The following PKHD1 variants were observed in gnomAD, a reference collection of about 807,000 sequenced individuals.
PKHD1 encodes the protein PKHD1 ciliary IPT domain containing fibrocystin/polyductin, also known as fibrocystin.
PKHD1 carries 291 observed loss-of-function variants against 412.0 expected under a neutral mutation model. The observed-to-expected ratio is 0.71, with a 90% CI of 0.64 to 0.78. The LOEUF is 0.78. PKHD1 is among the 30% of genes least tolerant of loss of function. The probability of loss-of-function intolerance (pLI) is 0.00; values close to 1 mark genes in which losing one functional copy is unlikely to be tolerated. For synonymous variants in PKHD1, 1,777 were observed against 1,821.5 expected (o/e 0.98, Z 0.62); for missense variants, 4,825 against 4,950.7 (o/e 0.97, Z 0.76).
intron 63 of PKHD1, among the ~76,000 whole-genome samples, chr6:51,647,020 A>ACTGT (rs1363240214): frequency 6.6e-6 from 1 of 152,070 alleles, no homozygotes; most frequent in African/African-American, 2.4e-5. Flanking sequence ...TCCTCTGTTG[A>ACTGT]CTGTCTGGCT....
intron 5 of PKHD1, among the ~76,000 whole-genome samples, chr6:52,079,107 T>G (rs1427067549): frequency 6.6e-6 from 1 of 152,196 alleles, no homozygotes; most frequent in Non-Finnish European, 1.5e-5. Context: ...GGCAACCACA[T>G]CGACAGGAGT....
intron 2 of PKHD1, 137 bp from the exon 3 acceptor site, chr6:52,083,392 C>A: frequency 1.4e-6 from 1 of 709,104 alleles, no homozygotes; most frequent in East Asian, 2.7e-5. Context: ...TGCACCACAT[C>A]CCCAGAGTTT....
intron 21 of PKHD1, among the ~76,000 whole-genome samples, chr6:52,051,258 C>T (rs907113034): frequency 1.3e-5 from 2 of 152,204 alleles, no homozygotes; most frequent in African/African-American, 2.4e-5. Context: ...ACAGGACCAA[C>T]TCATGGGCTT....
intron 63 of PKHD1, among the ~76,000 whole-genome samples, chr6:51,644,052 G>T (rs1256219295): frequency 1.3e-5 from 2 of 152,140 alleles, no homozygotes; most frequent in Admixed American, 1.3e-4. Context: ...GCTTTAAAAA[G>T]TAAGGGTTTT....
chr6:52,014,087 C>T (rs1418015562), intron 34 of PKHD1, among the ~76,000 whole-genome samples: 1 of 152,212 alleles, frequency 6.6e-6, no homozygotes, highest in Non-Finnish European at 1.5e-5. Context: ...AAACTCTTTA[C>T]TTTGGCCTTC....
intron 50 of PKHD1, among the ~76,000 whole-genome samples, chr6:51,847,255 C>A (rs1265061896): frequency 2.7e-5 from 4 of 150,838 alleles, no homozygotes; most frequent in Non-Finnish European, 4.4e-5. Context: ...GCCACCATGC[C>A]CAGCATTTTT....
chr6:51,839,045 T>C (rs1423243361), intron 50 of PKHD1, among the ~76,000 whole-genome samples: 4 of 152,226 alleles, frequency 2.6e-5, no homozygotes, highest in Non-Finnish European at 4.4e-5. Context: ...CTTTCTACTC[T>C]TTTTACAGCT....
At chr6:51,972,712 T>C (rs1793843526) in intron 35 of PKHD1, among the ~76,000 whole-genome samples, 1 of 152,238 alleles carries the variant, frequency 6.6e-6, no homozygotes, top group African/African-American at 2.4e-5. Context: ...CAGTTTCAAA[T>C]GCATTGTTCC....
At chr6:51,856,683 T>C (rs552352867) in intron 48 of PKHD1, among the ~76,000 whole-genome samples, 1 of 152,284 alleles carries the variant, frequency 6.6e-6, no homozygotes, top group Non-Finnish European at 1.5e-5. Context: ...TCTAGAATGA[T>C]GAGGTAACCT....
intron 35 of PKHD1, among the ~76,000 whole-genome samples, chr6:51,982,786 A>C (rs1795646383): frequency 6.9e-6 from 1 of 144,326 alleles, no homozygotes; most frequent in African/African-American, 2.5e-5. Flanking sequence ...CCTCTGCGAG[A>C]AACACCCAAG....
At chr6:51,885,066 A>G (rs1777994470) in intron 45 of PKHD1, among the ~76,000 whole-genome samples, 1 of 152,126 alleles carries the variant, frequency 6.6e-6, no homozygotes, top group African/African-American at 2.4e-5. Context: ...TTTGTATTCT[A>G]TTTCCTGAAG....
intron 55 of PKHD1, among the ~76,000 whole-genome samples, chr6:51,764,147 G>A (rs1228968464): frequency 1.5e-5 from 2 of 131,748 alleles, no homozygotes; most frequent in Non-Finnish European, 3.1e-5. Context: ...TCCCCTTCCT[G>A]TGTCCACGTG....
chr6:51,815,629 G>A (rs1053858036), intron 52 of PKHD1, among the ~76,000 whole-genome samples: 2 of 152,138 alleles, frequency 1.3e-5, no homozygotes, highest in Non-Finnish European at 2.9e-5. Flanking sequence ...CAGACGATGA[G>A]GCCAGATCAC....
chr6:51,872,875 C>CT (rs33953182), intron 46 of PKHD1, among the ~76,000 whole-genome samples: 4,469 of 81,446 alleles, frequency 0.055, 188 homozygotes, highest in Non-Finnish European at 0.069. Flanking sequence ...CCATCGTTTC[C>CT]TTTTTTTTTT....
At chr6:51,634,564 T>C (rs893070022) in intron 64 of PKHD1, among the ~76,000 whole-genome samples, 1 of 152,298 alleles carries the variant, frequency 6.6e-6, no homozygotes, top group Non-Finnish European at 1.5e-5. Flanking sequence ...CTTAAGATAT[T>C]TACAAGCTAG....
intron 48 of PKHD1, among the ~76,000 whole-genome samples, chr6:51,865,455 G>T (rs1774907609): frequency 6.6e-6 from 1 of 152,170 alleles, no homozygotes; most frequent in East Asian, 1.9e-4. Context: ...GGAACAGAAG[G>T]TTGCCAATGT....
At chr6:51,957,793 C>T (rs866138012) in intron 36 of PKHD1, among the ~76,000 whole-genome samples, 2 of 151,810 alleles carry the variant, frequency 1.3e-5, no homozygotes, top group African/African-American at 4.8e-5. Flanking sequence ...ATGATCTGCC[C>T]TTCACCTCCT....
intron 60 of PKHD1, among the ~76,000 whole-genome samples, chr6:51,699,293 T>TA (rs971322299): frequency 1.3e-5 from 2 of 152,182 alleles, no homozygotes; most frequent in African/African-American, 4.8e-5. Context: ...ACTGTCTCTA[T>TA]AGTTTTTCCT....
rs867048447 is a variant in PKHD1, at chr6:52,065,172, G to T, written c.881-122C>A. ...ATATATATATATATATATATATAGA[G>T]AGAGAGAGAGAGAGAGAGAGAGAGA... On this transcript the variant is annotated intron_variant, in intron 12 of 66. Coordinates refer to ENST00000371117, the MANE Select transcript of PKHD1 (RefSeq NM_138694.4). The T allele has an allele frequency of 3.2e-3, 382 of 118,554 alleles. 5 individuals carry two copies. The highest frequency in any genetic ancestry group is 5.1e-3 in the Non-Finnish European group (302 of 59,408). 7.3% of individuals were successfully genotyped at this position (118,554 alleles called of 1,614,324 possible).
Sources: allele counts gnomAD v4.1 joint callset (sites outside exome capture counted in the v4.1 genomes callset), GRCh38; gene constraint gnomAD v4.1.1; transcripts MANE v1.5; gene names NCBI Gene and HGNC (gene_info 2026-07-23, HGNC 2026-07-21).